The following PRELID2 variants were observed in gnomAD, a reference collection of about 807,000 sequenced individuals.
PRELID2 encodes the protein PRELI domain-containing protein 2.
PRELID2 carries 25 observed loss-of-function variants against 28.4 expected under a neutral mutation model. That is an observed-to-expected ratio of 0.88 (90% CI 0.64 to 1.23). PRELID2 has a LOEUF of 1.23. PRELID2 is among the 50% of genes most tolerant of loss of function. PRELID2 has a pLI of 0.00. For synonymous variants in PRELID2, 76 were observed against 71.6 expected (o/e 1.06, Z -0.31); for missense variants, 201 against 214.4 (o/e 0.94, Z 0.39).
the PRELID2 span, among the ~76,000 whole-genome samples, chr5:145,269,260 A>G: frequency 0.042 from 6,402 of 152,206 alleles, 430 homozygotes; most frequent in African/African-American, 0.14. Context: ...CTGCAAAACT[A>G]CAATTAGTAT....
At chr5:145,495,166 T>C (rs1354051795) in intron 1 of PRELID2, among the ~76,000 whole-genome samples, 2 of 152,162 alleles carry the variant, frequency 1.3e-5, no homozygotes, top group Non-Finnish European at 2.9e-5. Flanking sequence ...CCAGTAGTCA[T>C]TTCTCACTTC....
chr5:145,636,416 A>G (rs551493425), intron 1 of PRELID2, among the ~76,000 whole-genome samples: 11 of 152,168 alleles, frequency 7.2e-5, no homozygotes, highest in Admixed American at 2.0e-4. Context: ...CTCTTTCTGC[A>G]TAAGTGCTTA....
the PRELID2 span, among the ~76,000 whole-genome samples, chr5:145,412,006 T>A: frequency 6.6e-6 from 1 of 152,172 alleles, no homozygotes; most frequent in Non-Finnish European, 1.5e-5. Flanking sequence ...GTCCTGAGGC[T>A]GCACACAGCA....
chr5:145,688,317 C>T (rs759318126), intron 1 of PRELID2, among the ~76,000 whole-genome samples: 2 of 152,126 alleles, frequency 1.3e-5, no homozygotes, highest in Non-Finnish European at 2.9e-5. Context: ...ATAAAACCCT[C>T]GGTAGTCACT....
intron 1 of PRELID2, among the ~76,000 whole-genome samples, chr5:145,657,865 A>G (rs1440084170): frequency 1.3e-5 from 2 of 152,228 alleles, no homozygotes; most frequent in African/African-American, 4.8e-5. Flanking sequence ...CTATGCTAGT[A>G]TCTATGATGG....
intron 1 of PRELID2, among the ~76,000 whole-genome samples, chr5:145,589,108 C>T (rs915835279): frequency 1.3e-5 from 2 of 152,052 alleles, no homozygotes; most frequent in African/African-American, 4.8e-5. Context: ...CACAAAATAC[C>T]TACTGCACAA....
At chr5:145,780,115 C>T (rs891319440) in intron 5 of PRELID2, among the ~76,000 whole-genome samples, 1 of 152,152 alleles carries the variant, frequency 6.6e-6, no homozygotes, top group Non-Finnish European at 1.5e-5. Flanking sequence ...GAGTTCAAGA[C>T]CAGACTGGCC....
At chr5:145,250,363 A>G in the PRELID2 span, among the ~76,000 whole-genome samples, 4 of 152,274 alleles carry the variant, frequency 2.6e-5, no homozygotes, top group Admixed American at 6.5e-5. Flanking sequence ...TTCTGTGCCA[A>G]TGGTGCTAGA....
chr5:145,599,036 G>T (rs1753350700), intron 1 of PRELID2, among the ~76,000 whole-genome samples: 1 of 152,088 alleles, frequency 6.6e-6, no homozygotes, highest in Admixed American at 6.6e-5. Flanking sequence ...CCTATAGGTT[G>T]TTACCCTTTC....
chr5:145,789,643 G>A (rs1293863675), intron 5 of PRELID2, among the ~76,000 whole-genome samples: 3 of 152,138 alleles, frequency 2.0e-5, no homozygotes, highest in Non-Finnish European at 4.4e-5. Flanking sequence ...AGACAAATAA[G>A]ATTGCATCAA....
intron 1 of PRELID2, among the ~76,000 whole-genome samples, chr5:145,529,218 T>C (rs1752635416): frequency 6.6e-6 from 1 of 152,192 alleles, no homozygotes; most frequent in African/African-American, 2.4e-5. Context: ...AATCTGAACA[T>C]ATAATTGCAG....
At chr5:145,479,586 C>G (rs1752137560) in intron 1 of PRELID2, among the ~76,000 whole-genome samples, 1 of 152,184 alleles carries the variant, frequency 6.6e-6, no homozygotes, top group Non-Finnish European at 1.5e-5. Context: ...ACAGTGTTTT[C>G]TTGTTCATTA....
chr5:145,310,797 G>C, the PRELID2 span, among the ~76,000 whole-genome samples: 1 of 151,448 alleles, frequency 6.6e-6, no homozygotes, highest in African/African-American at 2.4e-5. Flanking sequence ...CAGGTGTTTT[G>C]GTTATTTCAC....
At chr5:145,588,119 C>G (rs1753178746) in intron 1 of PRELID2, among the ~76,000 whole-genome samples, 1 of 152,168 alleles carries the variant, frequency 6.6e-6, no homozygotes, top group African/African-American at 2.4e-5. Context: ...TAGAACTACT[C>G]CCCTAACGAA....
At chr5:145,280,910 G>C in the PRELID2 span, among the ~76,000 whole-genome samples, 232 of 152,110 alleles carry the variant, frequency 1.5e-3, 2 homozygotes, top group African/African-American at 5.4e-3. Flanking sequence ...ACTGGCTTGT[G>C]ATGGCGGGGG....
chr5:145,533,206 G>A (rs951306114), intron 1 of PRELID2, among the ~76,000 whole-genome samples: 1 of 151,980 alleles, frequency 6.6e-6, no homozygotes, highest in Admixed American at 6.6e-5. Context: ...TGTGGGAATG[G>A]GACAATGTAA....
At position 145,690,510 on chromosome 5, in the gene PRELID2, C is replaced by T. The variant is rs569032037; in HGVS notation, n.70+74421G>A. ...ACTGCCATTAAAGAGTAGGGGAACT[C>T]CTGCAGCTACATGACAACCACAAGA... is the stretch of plus-strand genomic sequence containing the variant. On this transcript the variant is annotated intron_variant and non_coding_transcript_variant, in intron 1 of 2. Transcript: ENST00000510259. Among the ~76,000 whole-genome samples the T allele has an allele frequency of 3.3e-5, 5 of 152,254 alleles. No homozygotes were observed. The South Asian group carries it at 1.0e-3, about 32-fold the overall frequency.
intron 1 of PRELID2, among the ~76,000 whole-genome samples, chr5:145,600,332 C>T (rs993929734): frequency 1.3e-5 from 2 of 148,512 alleles, no homozygotes; most frequent in African/African-American, 5.0e-5. Flanking sequence ...GCTAGGATAG[C>T]AATCTTTAAT....
At chr5:145,499,795 T>C (rs1445235671) in intron 1 of PRELID2, among the ~76,000 whole-genome samples, 1 of 152,228 alleles carries the variant, frequency 6.6e-6, no homozygotes, top group Non-Finnish European at 1.5e-5. Context: ...CAGAGAAAGA[T>C]TCCAGTCAGC....
Sources: gnomAD v4.1 joint callset for allele counts (sites outside exome capture counted in the v4.1 genomes callset) on GRCh38, gnomAD v4.1.1 for gene constraint, MANE v1.5 for transcripts, NCBI Gene and HGNC (gene_info 2026-07-23, HGNC 2026-07-21) for gene names.